AGBL4: variants seen among roughly 807,000 people sequenced by gnomAD.
AGBL4 encodes the protein AGBL carboxypeptidase 4, also known as cytosolic carboxypeptidase 6.
Under a neutral mutation model 66.4 loss-of-function variants are expected in AGBL4, and 58 were observed. The ratio of observed to expected loss-of-function variants is 0.87; its 90% CI spans 0.71 to 1.09. The LOEUF (loss-of-function observed/expected upper bound fraction) is 1.09, where lower values mean the gene tolerates loss of function less well. Ranked by LOEUF, AGBL4 falls within the 50% of genes least tolerant of loss-of-function variation. The pLI, the probability that AGBL4 is intolerant of heterozygous loss-of-function variation, is 0.00. For synonymous variants in AGBL4, 234 were observed against 222.9 expected, an observed-to-expected ratio of 1.05 and a Z score of -0.44; for missense variants, 579 against 631.0, an observed-to-expected ratio of 0.92 and a Z score of 0.88.
chr1:49,941,536 C>G (rs1266605397), intron 1 of AGBL4, among the ~76,000 whole-genome samples: 1 of 151,994 alleles, frequency 6.6e-6, no homozygotes, highest in Non-Finnish European at 1.5e-5. Context: ...ACACTATTAT[C>G]AAGTTGGCTT....
chr1:48,565,900 C>T (rs185871993), intron 11 of AGBL4, among the ~76,000 whole-genome samples: 1 of 152,272 alleles, frequency 6.6e-6, no homozygotes, highest in African/African-American at 2.4e-5. Context: ...AAGTTCTTGG[C>T]CCTTGCTAAT....
At chr1:48,927,388 A>G (rs565423371) in intron 5 of AGBL4, among the ~76,000 whole-genome samples, 12 of 152,250 alleles carry the variant, frequency 7.9e-5, no homozygotes, top group Admixed American at 5.9e-4. Context: ...ATTCCCTATC[A>G]TGAGAAGAAC....
intron 6 of AGBL4, among the ~76,000 whole-genome samples, chr1:48,860,152 C>T (rs1224235691): frequency 2.6e-5 from 4 of 152,168 alleles, no homozygotes. Context: ...ACGGTACTTC[C>T]TCATATTGCC....
At chr1:48,824,991 A>T (rs571315838) in intron 6 of AGBL4, among the ~76,000 whole-genome samples, 35 of 152,280 alleles carry the variant, frequency 2.3e-4, no homozygotes, top group Non-Finnish European at 4.4e-4. Context: ...ACCTCAGCAC[A>T]TTGCTGTAAG....
At chr1:48,856,066 T>G in intron 6 of AGBL4, among the ~76,000 whole-genome samples, 1 of 152,170 alleles carries the variant, frequency 6.6e-6, no homozygotes, top group East Asian at 1.9e-4. Flanking sequence ...AAATTATACA[T>G]GCAGAGAAAA....
chr1:49,102,454 G>A (rs544668492), intron 4 of AGBL4, among the ~76,000 whole-genome samples: 1 of 152,282 alleles, frequency 6.6e-6, no homozygotes, highest in East Asian at 1.9e-4. Context: ...GGGGACTCCT[G>A]AGGAAGACCA....
intron 9 of AGBL4, among the ~76,000 whole-genome samples, chr1:48,591,774 G>A (rs1644922482): frequency 6.6e-6 from 1 of 152,152 alleles, no homozygotes; most frequent in African/African-American, 2.4e-5. Context: ...TTTGCAGTCT[G>A]TAAAGATGGC....
chr1:49,784,387 T>G (rs1644403702), intron 2 of AGBL4, among the ~76,000 whole-genome samples: 1 of 152,006 alleles, frequency 6.6e-6, no homozygotes, highest in African/African-American at 2.4e-5. Flanking sequence ...AGAAAACAAG[T>G]CTCTTCAATG....
At chr1:49,111,873 A>G (rs1645419388) in intron 4 of AGBL4, among the ~76,000 whole-genome samples, 1 of 152,214 alleles carries the variant, frequency 6.6e-6, no homozygotes, top group African/African-American at 2.4e-5. Flanking sequence ...TATATTTTGA[A>G]TGATATTTGA....
chr1:49,105,093 T>C (rs1417029260), intron 4 of AGBL4, among the ~76,000 whole-genome samples: 1 of 152,126 alleles, frequency 6.6e-6, no homozygotes, highest in Non-Finnish European at 1.5e-5. Flanking sequence ...ACATTATGCA[T>C]TTATTTATTT....
chr1:48,718,446 G>A (rs532400176), intron 6 of AGBL4, among the ~76,000 whole-genome samples: 16 of 152,314 alleles, frequency 1.1e-4, no homozygotes, highest in Non-Finnish European at 1.2e-4. Flanking sequence ...TCAGCAAAAT[G>A]AAAATAATTT....
At chr1:48,799,863 G>A (rs1427617089) in intron 6 of AGBL4, among the ~76,000 whole-genome samples, 1 of 152,210 alleles carries the variant, frequency 6.6e-6, no homozygotes, top group Admixed American at 6.5e-5. Context: ...TGACCATGAT[G>A]TATTGTCTTT....
chr1:49,858,062 G>A (rs1020558793), intron 1 of AGBL4, among the ~76,000 whole-genome samples: 1 of 151,972 alleles, frequency 6.6e-6, no homozygotes, highest in Admixed American at 6.6e-5. Context: ...CAGCAGAAAT[G>A]ACCAGATATT....
chr1:48,878,521 G>C (rs1478542295), intron 5 of AGBL4, among the ~76,000 whole-genome samples: 1 of 152,160 alleles, frequency 6.6e-6, no homozygotes, highest in Admixed American at 6.5e-5. Flanking sequence ...TTAATTCCAA[G>C]ACCCCTTGTT....
At chr1:49,192,218 G>A (rs1647133756) in intron 4 of AGBL4, among the ~76,000 whole-genome samples, 1 of 151,932 alleles carries the variant, frequency 6.6e-6, no homozygotes, top group Non-Finnish European at 1.5e-5. Context: ...GTGATGTTGA[G>A]TATTTTTTAT....
At chr1:49,441,253 A>G (rs772684695) in intron 3 of AGBL4, among the ~76,000 whole-genome samples, 9 of 152,162 alleles carry the variant, frequency 5.9e-5, no homozygotes, top group Non-Finnish European at 1.3e-4. Context: ...GAGAACAGGC[A>G]TGGGAATGGA....
chr1:49,753,888 G>T (rs1315185520), intron 2 of AGBL4, among the ~76,000 whole-genome samples: 1 of 152,064 alleles, frequency 6.6e-6, no homozygotes, highest in East Asian at 1.9e-4. Context: ...TATGCTTCAT[G>T]AAGCTATCGT....
At chr1:49,644,406 G>C (rs1450308041) in intron 3 of AGBL4, among the ~76,000 whole-genome samples, 1 of 151,506 alleles carries the variant, frequency 6.6e-6, no homozygotes, top group Non-Finnish European at 1.5e-5. Flanking sequence ...CTATTTATTA[G>C]AATCCCATTT....
At chr1:49,946,321 C>T (rs925344185) in intron 1 of AGBL4, among the ~76,000 whole-genome samples, 22 of 151,918 alleles carry the variant, frequency 1.4e-4, no homozygotes, top group Non-Finnish European at 2.8e-4. Flanking sequence ...CAAAACAAGC[C>T]TCAATAAATT....
Sources: gnomAD v4.1 joint callset for allele counts (sites outside exome capture counted in the v4.1 genomes callset) on GRCh38, gnomAD v4.1.1 for gene constraint, MANE v1.5 for transcripts, NCBI Gene and HGNC (gene_info 2026-07-23, HGNC 2026-07-21) for gene names.